POU2AF2: variants seen among roughly 807,000 people sequenced by gnomAD.
POU2AF2 encodes POU class 2 homeobox associating factor 2.
At chr11:111,284,101 C>T in the POU2AF2 span, 4 of 1,614,176 alleles carry the variant, frequency 2.5e-6, no homozygotes, top group South Asian at 1.1e-5. Flanking sequence ...CAGGTTACTA[C>T]GGTGTCAGAA....
chr11:111,280,897 C>T, the POU2AF2 span, among the ~76,000 whole-genome samples: 1 of 152,118 alleles, frequency 6.6e-6, no homozygotes, highest in Non-Finnish European at 1.5e-5. Flanking sequence ...TGTTGCACCT[C>T]GAACTGCAAA....
chr11:111,277,261 G>A, the POU2AF2 span, among the ~76,000 whole-genome samples: 2 of 152,200 alleles, frequency 1.3e-5, no homozygotes, highest in Non-Finnish European at 1.5e-5. Flanking sequence ...TAGGAGACAA[G>A]AGTACAAAAA....
chr11:111,248,923 C>T, the POU2AF2 span, among the ~76,000 whole-genome samples: 4 of 152,054 alleles, frequency 2.6e-5, no homozygotes, highest in Middle Eastern at 3.2e-3. Flanking sequence ...TTTTGAAAAA[C>T]AATCTTAAGG....
At chr11:111,280,055 AAAATATAT>A in the POU2AF2 span, among the ~76,000 whole-genome samples, 1 of 65,736 alleles carries the variant, frequency 1.5e-5, no homozygotes, top group African/African-American at 4.5e-5. Context: ...AAAAAAAAAA[AAAATATAT>A]ATATATATAT....
chr11:111,257,203 G>A, the POU2AF2 span, among the ~76,000 whole-genome samples: 11 of 152,308 alleles, frequency 7.2e-5, no homozygotes, highest in East Asian at 1.7e-3. Context: ...TAGTGCAGGG[G>A]CTGATACGCA....
the POU2AF2 span, among the ~76,000 whole-genome samples, chr11:111,268,481 TATTTTA>T: frequency 7.0e-3 from 725 of 103,090 alleles, 46 homozygotes; most frequent in African/African-American, 0.015. Flanking sequence ...TTTCTTTTTT[TATTTTA>T]TTTTATTTTA....
the POU2AF2 span, among the ~76,000 whole-genome samples, chr11:111,274,610 C>A: frequency 6.6e-6 from 1 of 151,118 alleles, no homozygotes; most frequent in African/African-American, 2.4e-5. Context: ...GATAGACAGA[C>A]AGACAGACAG....
chr11:111,285,719 C>T, the POU2AF2 span: 9 of 1,613,784 alleles, frequency 5.6e-6, no homozygotes, highest in Non-Finnish European at 7.6e-6. Context: ...TGCCGATGCC[C>T]TGCTGACCTT....
the POU2AF2 span, chr11:111,281,461 A>T: frequency 6.2e-7 from 1 of 1,611,972 alleles, no homozygotes; most frequent in Non-Finnish European, 8.5e-7. Flanking sequence ...TAATTCAATA[A>T]GCAATTATTC....
At chr11:111,272,586 A>G in the POU2AF2 span, among the ~76,000 whole-genome samples, 1 of 152,352 alleles carries the variant, frequency 6.6e-6, no homozygotes, top group African/African-American at 2.4e-5. Context: ...TCTGGCGGGA[A>G]GTGGCACCAG....
the POU2AF2 span, among the ~76,000 whole-genome samples, chr11:111,276,294 T>C: frequency 3.3e-4 from 50 of 151,514 alleles, no homozygotes; most frequent in East Asian, 6.8e-3. Context: ...AAAGAATAAC[T>C]GAAAGACCAA....
the POU2AF2 span, among the ~76,000 whole-genome samples, chr11:111,249,075 C>A: frequency 0.91 from 139,233 of 152,270 alleles, 63,774 homozygotes; most frequent in East Asian, 0.98. Flanking sequence ...CCAAATTCTA[C>A]AGGATGAGTC....
chr11:111,266,799 A>G, the POU2AF2 span, among the ~76,000 whole-genome samples: 1 of 152,186 alleles, frequency 6.6e-6, no homozygotes, highest in Non-Finnish European at 1.5e-5. Flanking sequence ...GATCAGAAAA[A>G]TAAGAATCAG....
chr11:111,251,089 T>A, the POU2AF2 span, among the ~76,000 whole-genome samples: 1 of 152,158 alleles, frequency 6.6e-6, no homozygotes, highest in Non-Finnish European at 1.5e-5. Context: ...GAAACTAGAC[T>A]AGGGCAGGGT....
the POU2AF2 span, among the ~76,000 whole-genome samples, chr11:111,283,730 G>T: frequency 2.2e-3 from 328 of 152,268 alleles, 2 homozygotes; most frequent in African/African-American, 7.5e-3. Context: ...TTGTGAAAAA[G>T]ATGCTTCCTT....
At chr11:111,266,278 G>A in the POU2AF2 span, among the ~76,000 whole-genome samples, 6 of 152,204 alleles carry the variant, frequency 3.9e-5, no homozygotes, top group East Asian at 1.9e-4. Context: ...AGTGTTCTCC[G>A]TGTGTTTCCC....
the POU2AF2 span, among the ~76,000 whole-genome samples, chr11:111,246,330 C>G: frequency 6.6e-6 from 1 of 152,264 alleles, no homozygotes; most frequent in Middle Eastern, 3.4e-3. Flanking sequence ...GAAGTAAGGT[C>G]ATTCTATTTA....
chr11:111,280,360 T>C, the POU2AF2 span, among the ~76,000 whole-genome samples: 17 of 152,118 alleles, frequency 1.1e-4, no homozygotes, highest in Non-Finnish European at 2.2e-4. Flanking sequence ...ACACATACAG[T>C]AGGCGCCCCT....
chr11:111,267,911 A>G, the POU2AF2 span, among the ~76,000 whole-genome samples: 1 of 152,212 alleles, frequency 6.6e-6, no homozygotes. Context: ...CTCATTTCCT[A>G]GATACTAAGC....
Sources: allele counts gnomAD v4.1 joint callset (sites outside exome capture counted in the v4.1 genomes callset), GRCh38; gene constraint gnomAD v4.1.1; transcripts MANE v1.5; gene names NCBI Gene and HGNC (gene_info 2026-07-23, HGNC 2026-07-21).